Variants in RANBP17 observed in about 807,000 individuals in gnomAD.
RANBP17 encodes ran-binding protein 17.
In RANBP17, 158 loss-of-function variants were observed where a neutral mutation model predicts 141.2. That is an observed-to-expected ratio of 1.12 (90% CI 0.98 to 1.28). The LOEUF is 1.28. RANBP17 is among the 50% of genes most tolerant of loss of function. The probability of loss-of-function intolerance (pLI) is 0.00; values close to 1 mark genes in which losing one functional copy is unlikely to be tolerated. For missense variants in RANBP17, 1,438 were observed against 1,290.7 expected (o/e 1.11, Z -1.75); for synonymous variants, 430 against 450.0 (o/e 0.96, Z 0.56).
At chr5:171,225,053 A>G (rs1026276708) in intron 22 of RANBP17, among the ~76,000 whole-genome samples, 11 of 152,216 alleles carry the variant, frequency 7.2e-5, no homozygotes, top group South Asian at 2.1e-4. Context: ...GACTGTGATT[A>G]CTGTTGTGAA....
At chr5:171,069,349 A>C (rs1784501679) in intron 14 of RANBP17, among the ~76,000 whole-genome samples, 1 of 152,180 alleles carries the variant, frequency 6.6e-6, no homozygotes, top group African/African-American at 2.4e-5. Context: ...TTGCTGTGCA[A>C]AATGCTGAAA....
At chr5:171,141,621 C>CAAAAAAAAAA (rs10691735) in intron 14 of RANBP17, among the ~76,000 whole-genome samples, 1 of 55,326 alleles carries the variant, frequency 1.8e-5, no homozygotes, top group Non-Finnish European at 3.0e-5. Flanking sequence ...GACTCCATCT[C>CAAAAAAAAAA]AAAAAAAAAA....
At chr5:170,941,930 G>T (rs1007226256) in intron 12 of RANBP17, among the ~76,000 whole-genome samples, 7 of 152,040 alleles carry the variant, frequency 4.6e-5, no homozygotes, top group Non-Finnish European at 1.0e-4. Context: ...TCTAGAACAG[G>T]GGTCCCCAAA....
intron 25 of RANBP17, among the ~76,000 whole-genome samples, chr5:171,274,782 A>G (rs978755047): frequency 1.3e-5 from 2 of 152,240 alleles, no homozygotes; most frequent in African/African-American, 4.8e-5. Flanking sequence ...GATTTTAAGT[A>G]TCAAACCTAG....
intron 20 of RANBP17, among the ~76,000 whole-genome samples, chr5:171,208,756 C>T (rs1762716881): frequency 6.6e-6 from 1 of 152,120 alleles, no homozygotes; most frequent in Non-Finnish European, 1.5e-5. Context: ...CTTAATATCC[C>T]AGAATCACAA....
intron 14 of RANBP17, among the ~76,000 whole-genome samples, chr5:171,131,409 A>T (rs2127789993): frequency 6.6e-6 from 1 of 152,340 alleles, no homozygotes; most frequent in South Asian, 2.1e-4. Context: ...TGTATTGTAC[A>T]GCTTGGGAAA....
rs1472663732 is a variant in RANBP17 at position 171,242,829 on chromosome 5, C to G, written c.2776+9C>G. 1.2e-6 allele frequency: 2 copies of G among 1,612,238 alleles called. No homozygotes were observed. The highest frequency in any genetic ancestry group is 1.7e-6 in the Non-Finnish European group (2 of 1,178,874). On this transcript the variant is annotated intron_variant, in intron 24 of 27. Coordinates refer to ENST00000523189, the MANE Select transcript of RANBP17 (RefSeq NM_022897.5). Reference sequence around the variant, plus strand: ...GGGACTCACTACTCTTGGTAAGGATCATAGAGGACATTGTTTCCATAGGAA... The same window carrying G: ...GGGACTCACTACTCTTGGTAAGGATGATAGAGGACATTGTTTCCATAGGAA...
chr5:171,153,678 A>AT (rs1326726756), intron 14 of RANBP17, among the ~76,000 whole-genome samples: 2 of 152,228 alleles, frequency 1.3e-5, no homozygotes, highest in African/African-American at 2.4e-5. Context: ...GGGAAGTAAG[A>AT]TAGGACCAAG....
In RANBP17 at chr5:170,870,919, G is replaced by A. The variant is rs564295526; in HGVS notation, c.19-7178G>A. Among the ~76,000 whole-genome samples the A allele has an allele frequency of 3.9e-5, 6 of 152,280 alleles. No individual in the cohort carries two copies. In the South Asian group the frequency reaches 1.0e-3, roughly 26 times the overall value. ...CTTTTTAATAATCACCATTCTGACT[G>A]GTGTGAAATGGTATCTGGTTGTGGT... is the stretch of plus-strand genomic sequence containing the variant. On this transcript the variant is annotated intron_variant, in intron 1 of 27. Coordinates refer to ENST00000523189, the MANE Select transcript of RANBP17 (RefSeq NM_022897.5).
chr5:171,263,787 G>A lies in RANBP17; in HGVS notation c.2777-1894G>A, dbSNP rs146993035. 4.7e-3 allele frequency among the ~76,000 whole-genome samples: 721 copies of A among 152,294 alleles called. 5 individuals are homozygous for A. Among genetic ancestry groups the A allele is most frequent in the African/African-American group, 0.017 (686 of 41,556 alleles). ...GATTCAAGAAGGTGTTTTAGCCTGG[G>A]CATGGTAGCACACATCTATAATCCC... On this transcript the variant is annotated intron_variant, in intron 24 of 27. Coordinates refer to ENST00000523189, the MANE Select transcript of RANBP17 (RefSeq NM_022897.5).
intron 14 of RANBP17, among the ~76,000 whole-genome samples, chr5:171,053,902 T>C (rs1044040563): frequency 3.6e-5 from 5 of 138,166 alleles, no homozygotes; most frequent in African/African-American, 1.1e-4. Flanking sequence ...TATATATATA[T>C]ATATATATAT....
intron 14 of RANBP17, among the ~76,000 whole-genome samples, chr5:170,980,756 T>G (rs996516111): frequency 6.6e-6 from 1 of 152,172 alleles, no homozygotes; most frequent in Admixed American, 6.5e-5. Context: ...GAACCTCTGC[T>G]AAGGCAGTGC....
chr5:171,231,057 T>G lies in RANBP17; in HGVS notation c.2422+9217T>G, dbSNP rs1764178060. 2.6e-5 allele frequency among the ~76,000 whole-genome samples: 4 copies of G among 151,300 alleles called. No homozygotes were observed. In the South Asian group the frequency reaches 8.4e-4, roughly 32 times the overall value. ...GCTCAGGTTATCCTCCTGCCTCAACTTCCTGAGTAGCTGGGACTACAGGCA... is the reference window on the plus strand; with the variant it reads ...GCTCAGGTTATCCTCCTGCCTCAACGTCCTGAGTAGCTGGGACTACAGGCA... On this transcript the variant is annotated intron_variant, in intron 22 of 27. Coordinates refer to ENST00000523189, the MANE Select transcript of RANBP17 (RefSeq NM_022897.5).
chr5:171,004,808 T>C (rs1273171751), intron 14 of RANBP17, among the ~76,000 whole-genome samples: 1 of 152,132 alleles, frequency 6.6e-6, no homozygotes, highest in Non-Finnish European at 1.5e-5. Flanking sequence ...AATCCCAGGC[T>C]GAGGACATTC....
intron 16 of RANBP17, among the ~76,000 whole-genome samples, chr5:171,178,099 C>A (rs544759869): frequency 6.6e-5 from 10 of 151,622 alleles, no homozygotes; most frequent in African/African-American, 2.4e-4. Context: ...TATACACATG[C>A]CATGGTGGTT....
intron 14 of RANBP17, among the ~76,000 whole-genome samples, chr5:171,081,531 T>G (rs1051037805): frequency 3.3e-5 from 5 of 152,304 alleles, no homozygotes; most frequent in Admixed American, 3.3e-4. Context: ...CTTTACAAAA[T>G]AGTTAACTTT....
chr5:170,932,678 T>C (rs1330323887), intron 12 of RANBP17, among the ~76,000 whole-genome samples: 3 of 152,180 alleles, frequency 2.0e-5, no homozygotes, highest in African/African-American at 7.2e-5. Flanking sequence ...ATGTGGTTTT[T>C]GTCTTTGGCT....
At chr5:171,076,027 T>TA (rs1407161623) in intron 14 of RANBP17, among the ~76,000 whole-genome samples, 5 of 152,168 alleles carry the variant, frequency 3.3e-5, no homozygotes, top group African/African-American at 9.7e-5. Context: ...AATAAGTTGT[T>TA]AAAAAATAAT....
chr5:170,946,069 CT>C (rs754493880), intron 12 of RANBP17, among the ~76,000 whole-genome samples: 1 of 152,106 alleles, frequency 6.6e-6, no homozygotes, highest in East Asian at 1.9e-4. Context: ...TGAGAATGAA[CT>C]TTTGGAAATT....
Sources: gnomAD v4.1 joint callset for allele counts (sites outside exome capture counted in the v4.1 genomes callset) on GRCh38, gnomAD v4.1.1 for gene constraint, MANE v1.5 for transcripts, NCBI Gene and HGNC (gene_info 2026-07-23, HGNC 2026-07-21) for gene names.